Variants in BLTP2 observed in about 807,000 individuals in gnomAD.
BLTP2 encodes the protein bridge-like lipid transfer protein family member 2, also known as U937-associated antigen.
At chr17:28,624,777 T>C in the BLTP2 span, among the ~76,000 whole-genome samples, 1 of 152,230 alleles carries the variant, frequency 6.6e-6, no homozygotes, top group African/African-American at 2.4e-5. Flanking sequence ...AATGTCATTA[T>C]ATTCTCTGAG....
At chr17:28,629,816 T>C in the BLTP2 span, among the ~76,000 whole-genome samples, 5 of 152,072 alleles carry the variant, frequency 3.3e-5, no homozygotes, top group Admixed American at 1.3e-4. Flanking sequence ...GGTTTCACCA[T>C]GTTGGCCAGT....
chr17:28,636,883 A>AG, the BLTP2 span: 1 of 1,128,476 alleles, frequency 8.9e-7, no homozygotes, highest in Non-Finnish European at 1.3e-6. Flanking sequence ...GGAAAAGACA[A>AG]GAAAAAAAAA....
chr17:28,644,338 C>G, the BLTP2 span: 6 of 831,078 alleles, frequency 7.2e-6, no homozygotes, highest in African/African-American at 1.7e-5. Context: ...CTGTCATATA[C>G]ATTCAGCCAC....
chr17:28,622,324 G>A, the BLTP2 span, among the ~76,000 whole-genome samples: 1 of 152,036 alleles, frequency 6.6e-6, no homozygotes, highest in African/African-American at 2.4e-5. Context: ...TCCCTTACAC[G>A]GCTTAACATC....
At chr17:28,617,087 A>G in the BLTP2 span, 1 of 1,185,518 alleles carries the variant, frequency 8.4e-7, no homozygotes. Flanking sequence ...TGAGAGGAGA[A>G]GCAATGGTAC....
the BLTP2 span, among the ~76,000 whole-genome samples, chr17:28,624,872 C>T: frequency 1.3e-5 from 2 of 152,172 alleles, no homozygotes; most frequent in Non-Finnish European, 2.9e-5. Context: ...GGCATGTTCC[C>T]TTCTCTTTCC....
At chr17:28,619,967 T>C in the BLTP2 span, 3 of 1,614,086 alleles carry the variant, frequency 1.9e-6, no homozygotes, top group Non-Finnish European at 1.7e-6. Flanking sequence ...TCTGGATTGC[T>C]AGAGATCTCA....
the BLTP2 span, chr17:28,635,010 G>C: frequency 6.2e-7 from 1 of 1,613,242 alleles, no homozygotes; most frequent in Non-Finnish European, 8.5e-7. Flanking sequence ...GGCTTGGAGA[G>C]GCCCAAGCAC....
chr17:28,640,837 C>G, the BLTP2 span, among the ~76,000 whole-genome samples: 2 of 152,228 alleles, frequency 1.3e-5, no homozygotes, highest in Non-Finnish European at 2.9e-5. Flanking sequence ...CCCCAGAGAT[C>G]CAGGCACCTG....
At chr17:28,628,201 C>T in the BLTP2 span, 1 of 1,399,694 alleles carries the variant, frequency 7.1e-7, no homozygotes, top group Non-Finnish European at 1.0e-6. Flanking sequence ...TTTTAAAACT[C>T]CTGTCCAAGC....
chr17:28,644,076 C>T, the BLTP2 span: 1 of 1,614,230 alleles, frequency 6.2e-7, no homozygotes, highest in Admixed American at 1.7e-5. Flanking sequence ...GCTGGTGTTG[C>T]TGAAACTTAA....
At chr17:28,643,754 C>G in the BLTP2 span, 17 of 1,248,366 alleles carry the variant, frequency 1.4e-5, no homozygotes, top group Non-Finnish European at 1.8e-5. Context: ...ATTAGAATTT[C>G]TCTTTCATAG....
the BLTP2 span, among the ~76,000 whole-genome samples, chr17:28,622,248 A>C: frequency 6.6e-6 from 1 of 152,222 alleles, no homozygotes; most frequent in Admixed American, 6.5e-5. Context: ...GATAAAGAGC[A>C]CTGCTTGTCT....
At chr17:28,633,228 T>C in the BLTP2 span, 1 of 1,596,318 alleles carries the variant, frequency 6.3e-7, no homozygotes, top group Non-Finnish European at 8.6e-7. Flanking sequence ...CTCTTCCCCC[T>C]CCCTCCAACC....
chr17:28,623,124 T>TA, the BLTP2 span, among the ~76,000 whole-genome samples: 1 of 151,978 alleles, frequency 6.6e-6, no homozygotes, highest in Non-Finnish European at 1.5e-5. Flanking sequence ...GCCACACACT[T>TA]AGACCTCCCC....
At chr17:28,631,709 T>C in the BLTP2 span, 24 of 1,612,044 alleles carry the variant, frequency 1.5e-5, no homozygotes, top group African/African-American at 4.0e-5. Flanking sequence ...ACAGAGACCA[T>C]GCTGACCAGT....
chr17:28,634,186 C>T, the BLTP2 span: 1 of 1,057,646 alleles, frequency 9.5e-7, no homozygotes, highest in Non-Finnish European at 1.4e-6. Flanking sequence ...TCTATATTTA[C>T]AAAGTCAATT....
chr17:28,621,876 TA>T, the BLTP2 span, among the ~76,000 whole-genome samples: 1 of 152,218 alleles, frequency 6.6e-6, no homozygotes, highest in African/African-American at 2.4e-5. Flanking sequence ...TTCAGATAGA[TA>T]ACCACTCTGA....
At chr17:28,623,177 T>C in the BLTP2 span, among the ~76,000 whole-genome samples, 124 of 152,258 alleles carry the variant, frequency 8.1e-4, 2 homozygotes, top group Admixed American at 8.1e-3. Context: ...ACTTTCCACC[T>C]GAATAAAGCT....
Sources: gnomAD v4.1 joint callset for allele counts (sites outside exome capture counted in the v4.1 genomes callset) on GRCh38, gnomAD v4.1.1 for gene constraint, MANE v1.5 for transcripts, NCBI Gene and HGNC (gene_info 2026-07-23, HGNC 2026-07-21) for gene names.